The following IGSF21 variants were observed in gnomAD, a reference collection of about 807,000 sequenced individuals.
IGSF21 encodes immunoglobulin superfamily member 21.
IGSF21 carries 28 observed loss-of-function variants against 46.8 expected under a neutral mutation model. That is an observed-to-expected ratio of 0.60 (90% confidence interval 0.44 to 0.82). The LOEUF (loss-of-function observed/expected upper bound fraction) is 0.82, where lower values mean the gene tolerates loss of function less well. Among genes scored for constraint, IGSF21 ranks in the 40% least tolerant of loss-of-function variants. The pLI, the probability that IGSF21 is intolerant of heterozygous loss-of-function variation, is 0.00. For synonymous variants in IGSF21, 284 were observed against 273.6 expected (o/e 1.04, Z -0.38); for missense variants, 624 against 665.5 (o/e 0.94, Z 0.69).
At chr1:18,170,613 A>C (rs2086727352) in intron 1 of IGSF21, among the ~76,000 whole-genome samples, 1 of 151,966 alleles carries the variant, frequency 6.6e-6, no homozygotes, top group Non-Finnish European at 1.5e-5. Context: ...CATCTTACAG[A>C]TGGAGGAAGT....
chr1:18,207,412 G>T (rs2084339685), intron 1 of IGSF21, among the ~76,000 whole-genome samples: 1 of 152,124 alleles, frequency 6.6e-6, no homozygotes, highest in South Asian at 2.1e-4. Flanking sequence ...TTAGGGAAGG[G>T]GATCGTTTTT....
intron 3 of IGSF21, among the ~76,000 whole-genome samples, chr1:18,307,107 A>G (rs1211302178): frequency 6.6e-6 from 1 of 150,588 alleles, no homozygotes; most frequent in Non-Finnish European, 1.5e-5. Context: ...TTGATTACAT[A>G]TTTCCTTCCT....
At chr1:18,319,816 C>A (rs1453331022) in intron 3 of IGSF21, among the ~76,000 whole-genome samples, 1 of 152,212 alleles carries the variant, frequency 6.6e-6, no homozygotes, top group Non-Finnish European at 1.5e-5. Context: ...CCAGCACTCC[C>A]TATCCCTGTC....
chr1:18,186,139 A>G (rs932161021), intron 1 of IGSF21, among the ~76,000 whole-genome samples: 1 of 152,152 alleles, frequency 6.6e-6, no homozygotes, highest in Non-Finnish European at 1.5e-5. Flanking sequence ...TGTCCCCCAG[A>G]CACTTGCTGT....
intron 4 of IGSF21, among the ~76,000 whole-genome samples, chr1:18,342,531 T>C (rs1396588511): frequency 5.3e-5 from 8 of 152,178 alleles, no homozygotes; most frequent in Admixed American, 3.3e-4. Flanking sequence ...TTTTAGAACA[T>C]TTTCATCGTC....
intron 1 of IGSF21, among the ~76,000 whole-genome samples, chr1:18,195,712 C>T (rs1457129145): frequency 2.0e-5 from 3 of 152,222 alleles, no homozygotes; most frequent in African/African-American, 7.2e-5. Flanking sequence ...CGGCACACAA[C>T]AGCTACACTG....
At chr1:18,303,891 C>T (rs1203056700) in intron 3 of IGSF21, among the ~76,000 whole-genome samples, 4 of 152,118 alleles carry the variant, frequency 2.6e-5, no homozygotes, top group Non-Finnish European at 5.9e-5. Context: ...AGTTTGAGGA[C>T]CACTGTTATA....
At chr1:18,361,993 C>T in intron 4 of IGSF21, 122 bp from the exon 5 acceptor site, 2 of 652,642 alleles carry the variant, frequency 3.1e-6, no homozygotes, top group Non-Finnish European at 5.4e-6. Flanking sequence ...TGGAGTTTGG[C>T]AACACCTGCC....
intron 6 of IGSF21, among the ~76,000 whole-genome samples, chr1:18,369,789 G>A (rs1557664957): frequency 6.6e-6 from 1 of 152,140 alleles, no homozygotes; most frequent in Non-Finnish European, 1.5e-5. Context: ...CAGCTGAAAT[G>A]CCACCCCTCC....
Position 18,376,903 on chromosome 1 carries a change from T to C in IGSF21, c.1205T>C (p.Val402Ala). 6.2e-7 allele frequency: 1 copy of C among 1,612,866 alleles called. No individual in the cohort carries two copies. Among genetic ancestry groups the C allele is most frequent in the East Asian group, 2.2e-5 (1 of 44,816 alleles). The change falls in exon 8 of 10, where the codon GTT (valine) becomes GCT (alanine). Residue 402 changes from valine to alanine, a missense_variant. Val to Ala is a moderately conservative substitution (Grantham distance 64). Transcript: ENST00000251296. The stretch of plus-strand genomic sequence containing the variant: ...GGGAAGGAGCTGGTGCTGGAGCGGG[T>C]TCCCGCCGAGCTCAATGGCTCCATG... ...FDGKELVLERVPAELNGSMYR... is the reference protein window; with the variant it reads ...FDGKELVLERAPAELNGSMYR...
Position 18,270,603 on chromosome 1 carries a change from C to G in IGSF21, c.184-21263C>G, listed in dbSNP as rs934872012. Among the ~76,000 whole-genome samples, 3 of 152,224 alleles carry G rather than the reference C, an allele frequency of 2.0e-5. No individual in the cohort carries two copies. In the East Asian group the frequency reaches 5.8e-4, roughly 29 times the overall value. ...TCTGCAGCAGGACTCTTCTTGGATG[C>G]TCAGAGCCCACCATTAACTAGAGAC... On this transcript the variant is annotated intron_variant, in intron 2 of 9. Coordinates refer to ENST00000251296, the MANE Select transcript of IGSF21 (RefSeq NM_032880.5).
rs760730875 is a variant in IGSF21 at position 18,377,417 on chromosome 1, C to T, written c.1319C>T (p.Thr440Met). The change falls in exon 9 of 10, where the codon ACG becomes ATG. Residue 440 changes from threonine to methionine, a missense_variant. By Grantham distance (81) the Thr-to-Met change is moderately conservative. Transcript: ENST00000251296. ...GAAAACCCAAATATCCCAAGAGGAA[C>T]GGAGGACTCTAATGGTAAGTCTCTA... is the stretch of plus-strand genomic sequence containing the variant. ...VFENPNIPRG[T>M]EDSNGSIGPT... 6.8e-5 allele frequency: 109 copies of T among 1,613,368 alleles called. 1 individual carries two copies. In the Admixed American group the frequency reaches 8.0e-4, roughly 12 times the overall value.
chr1:18,133,247 C>T (rs759737604), intron 1 of IGSF21, among the ~76,000 whole-genome samples: 3 of 152,192 alleles, frequency 2.0e-5, no homozygotes, highest in Non-Finnish European at 4.4e-5. Flanking sequence ...TCCTGAGGCC[C>T]CCAGAGCATG....
chr1:18,298,634 T>A (rs2085333873), intron 3 of IGSF21, among the ~76,000 whole-genome samples: 1 of 152,144 alleles, frequency 6.6e-6, no homozygotes, highest in Admixed American at 6.5e-5. Context: ...TCGGGAGAGC[T>A]GGAGTAAATG....
intron 2 of IGSF21, among the ~76,000 whole-genome samples, chr1:18,276,672 G>A (rs918522537): frequency 2.0e-5 from 3 of 152,006 alleles, no homozygotes; most frequent in Non-Finnish European, 4.4e-5. Context: ...TGAGAGCTGG[G>A]GTCACAAGCC....
chr1:18,378,395 C>G lies in IGSF21; in HGVS notation c.*69C>G. 2 of 1,279,706 alleles carry G rather than the reference C, an allele frequency of 1.6e-6. No individual in the cohort carries two copies. Among genetic ancestry groups the G allele is most frequent in the Non-Finnish European group, 2.2e-6 (2 of 895,136 alleles). The allele number at this position is 1,279,706 out of a possible 1,614,324, so 79.3% of individuals were successfully genotyped here. ...GACCGGTTTTCATTTCTTTTCTAAA[C>G]TATTTCCAGTCTTGTTCTTAGTCTC... On this transcript the variant is annotated 3_prime_UTR_variant, in exon 10 of 10. Transcript: ENST00000251296.
At chr1:18,225,085 TCACACACA>T (rs529286231) in intron 1 of IGSF21, among the ~76,000 whole-genome samples, 4,184 of 51,596 alleles carry the variant, frequency 0.081, 184 homozygotes, top group East Asian at 0.23. Flanking sequence ...TCTCTCTCTC[TCACACACA>T]CACACACACA....
intron 1 of IGSF21, among the ~76,000 whole-genome samples, chr1:18,170,875 A>C (rs2086729901): frequency 6.6e-6 from 1 of 152,176 alleles, no homozygotes; most frequent in Non-Finnish European, 1.5e-5. Context: ...GACAGTGGTC[A>C]GGGTAGGTTG....
At chr1:18,177,559 C>T (rs1239022818) in intron 1 of IGSF21, among the ~76,000 whole-genome samples, 1 of 152,004 alleles carries the variant, frequency 6.6e-6, no homozygotes, top group African/African-American at 2.4e-5. Flanking sequence ...TTGATTATTG[C>T]CTTGTCCTGT....
Sources: gnomAD v4.1 joint callset for allele counts (sites outside exome capture counted in the v4.1 genomes callset) on GRCh38, gnomAD v4.1.1 for gene constraint, MANE v1.5 for transcripts, NCBI Gene and HGNC (gene_info 2026-07-23, HGNC 2026-07-21) for gene names.